The following TMEM232 variants were observed in gnomAD, a reference collection of about 807,000 sequenced individuals.
TMEM232 encodes the protein transmembrane protein 232.
TMEM232 carries 80 observed loss-of-function variants against 78.8 expected under a neutral mutation model. The observed-to-expected ratio is 1.01, with a 90% CI of 0.85 to 1.22. The LOEUF (loss-of-function observed/expected upper bound fraction) is 1.22, where lower values mean the gene tolerates loss of function less well. Ranked by LOEUF, TMEM232 falls within the 50% of genes most tolerant of loss-of-function variation. The pLI, the probability that TMEM232 is intolerant of heterozygous loss-of-function variation, is 0.00. For synonymous variants in TMEM232, 297 were observed against 254.3 expected (o/e 1.17, Z -1.60); for missense variants, 881 against 742.2 (o/e 1.19, Z -2.17).
chr5:110,606,979 T>C (rs1302217500), intron 8 of TMEM232, among the ~76,000 whole-genome samples: 1 of 151,880 alleles, frequency 6.6e-6, no homozygotes, highest in Non-Finnish European at 1.5e-5. Context: ...CATAGCTGTT[T>C]ATTGCCTTGA....
At chr5:110,476,798 T>C (rs570290722) in intron 12 of TMEM232, among the ~76,000 whole-genome samples, 1 of 152,182 alleles carries the variant, frequency 6.6e-6, no homozygotes, top group South Asian at 2.1e-4. Context: ...ATGTGTGTGC[T>C]TGATTTGCAT....
At chr5:110,485,841 G>GA (rs1472213775) in intron 12 of TMEM232, among the ~76,000 whole-genome samples, 2 of 152,148 alleles carry the variant, frequency 1.3e-5, no homozygotes, top group Non-Finnish European at 2.9e-5. Flanking sequence ...CCAGTGGTGA[G>GA]ATTGTTGGAT....
intron 12 of TMEM232, among the ~76,000 whole-genome samples, chr5:110,493,497 CAA>C (rs1452953814): frequency 1.1e-4 from 16 of 151,596 alleles, no homozygotes; most frequent in African/African-American, 3.9e-4. Flanking sequence ...ACAAATGGGA[CAA>C]AGCAGAGAGC....
intron 1 of TMEM232, among the ~76,000 whole-genome samples, chr5:110,695,646 A>C (rs1300859672): frequency 6.6e-6 from 1 of 152,224 alleles, no homozygotes; most frequent in Non-Finnish European, 1.5e-5. Flanking sequence ...CAGAAATACA[A>C]ACTACCATCA....
At chr5:110,708,345 G>A (rs111463654) in intron 1 of TMEM232, among the ~76,000 whole-genome samples, 17 of 152,268 alleles carry the variant, frequency 1.1e-4, no homozygotes, top group African/African-American at 4.1e-4. Context: ...ATGCTAAAGG[G>A]ACTTCTTCAC....
chr5:110,393,706 T>C (rs1755284014), intron 3 of TMEM232, among the ~76,000 whole-genome samples: 2 of 152,074 alleles, frequency 1.3e-5, no homozygotes, highest in South Asian at 4.1e-4. Context: ...ACTGTAATCC[T>C]AGCATTTTGA....
rs533162924 is a variant in TMEM232 at position 110,655,619 on chromosome 5, C to T, written c.125+11609G>A. Among the ~76,000 whole-genome samples, 25 of 148,542 alleles carry T rather than the reference C, an allele frequency of 1.7e-4. 1 individual carries two copies. The South Asian group carries it at 3.8e-3, about 22-fold the overall frequency. On this transcript the variant is annotated intron_variant, in intron 2 of 13. Transcript: ENST00000455884. Reference sequence around the variant, plus strand: ...GACACATGCACACGTATGTTTATTGCGGCACTATTCACAATAGCAAAGACT... The same window carrying T: ...GACACATGCACACGTATGTTTATTGTGGCACTATTCACAATAGCAAAGACT...
At chr5:110,649,501 TAGC>T (rs1291452037) in intron 2 of TMEM232, among the ~76,000 whole-genome samples, 1 of 152,138 alleles carries the variant, frequency 6.6e-6, no homozygotes, top group Admixed American at 6.6e-5. Flanking sequence ...CTTTTAATTA[TAGC>T]AGATTAAAAA....
intron 5 of TMEM232, among the ~76,000 whole-genome samples, chr5:110,637,157 T>C (rs2149998703): frequency 6.6e-6 from 1 of 150,690 alleles, no homozygotes; most frequent in African/African-American, 2.4e-5. Context: ...ATTGTTTTCA[T>C]TATAAATATA....
intron 1 of TMEM232, among the ~76,000 whole-genome samples, chr5:110,691,143 A>AG (rs1287431914): frequency 4.8e-4 from 15 of 31,200 alleles, no homozygotes; most frequent in Admixed American, 2.3e-3. Context: ...TTAAAGTATA[A>AG]GGAAAAAAAA....
chr5:110,588,564 T>C (rs563372632), intron 10 of TMEM232, among the ~76,000 whole-genome samples: 123 of 152,204 alleles, frequency 8.1e-4, no homozygotes, highest in Non-Finnish European at 1.9e-4. Flanking sequence ...GGGAAACCAA[T>C]GCAATTATCT....
intron 11 of TMEM232, among the ~76,000 whole-genome samples, chr5:110,532,027 A>G (rs943746116): frequency 6.6e-6 from 1 of 152,252 alleles, no homozygotes; most frequent in East Asian, 1.9e-4. Context: ...AACCCCAGCC[A>G]TATCTCCAGC....
chr5:110,597,952 G>A (rs1780386365), intron 10 of TMEM232, among the ~76,000 whole-genome samples: 1 of 152,096 alleles, frequency 6.6e-6, no homozygotes, highest in African/African-American at 2.4e-5. Context: ...CATAGGCATG[G>A]GCAAGGACTT....
chr5:110,424,017 G>A (rs1455392280), intron 13 of TMEM232, among the ~76,000 whole-genome samples: 1 of 152,056 alleles, frequency 6.6e-6, no homozygotes, highest in Non-Finnish European at 1.5e-5. Flanking sequence ...TCATTTCAAG[G>A]TATCAGTCAG....
At chr5:110,421,258 T>C (rs1016908462) in intron 13 of TMEM232, among the ~76,000 whole-genome samples, 4 of 152,022 alleles carry the variant, frequency 2.6e-5, no homozygotes, top group African/African-American at 9.6e-5. Flanking sequence ...GAATTTATCT[T>C]AATTGGCCAT....
chr5:110,593,868 C>A (rs139788903), intron 10 of TMEM232, among the ~76,000 whole-genome samples: 2 of 152,112 alleles, frequency 1.3e-5, no homozygotes, highest in East Asian at 3.9e-4. Context: ...GTATTCAATA[C>A]CTCATTTACC....
chr5:110,521,493 C>T (rs558924346), intron 12 of TMEM232, among the ~76,000 whole-genome samples: 8 of 152,078 alleles, frequency 5.3e-5, no homozygotes, highest in Non-Finnish European at 1.0e-4. Flanking sequence ...TTTTGTCACC[C>T]GGAGTTTTGG....
chr5:110,692,318 G>A lies in TMEM232; in HGVS notation c.-12-24954C>T, dbSNP rs565468778. On this transcript the variant is annotated intron_variant, in intron 1 of 13. Coordinates refer to ENST00000455884, the MANE Select transcript of TMEM232 (RefSeq NM_001039763.4). Reference sequence around the variant, plus strand: ...TAACTTAAAATTTCTTTAAGGTGAGGGTGGAGCCAAGATGGCCGAATAGCA... The same window carrying A: ...TAACTTAAAATTTCTTTAAGGTGAGAGTGGAGCCAAGATGGCCGAATAGCA... 5.9e-4 allele frequency among the ~76,000 whole-genome samples: 90 copies of A among 152,312 alleles called. 1 individual carries two copies. The South Asian group carries it at 0.018, about 30-fold the overall frequency.
chr5:110,500,900 A>C (rs777543538), intron 12 of TMEM232, among the ~76,000 whole-genome samples: 13 of 152,180 alleles, frequency 8.5e-5, no homozygotes, highest in Non-Finnish European at 1.9e-4. Context: ...TTTCATCTAG[A>C]TATATAAATA....
Sources: gnomAD v4.1 joint callset for allele counts (sites outside exome capture counted in the v4.1 genomes callset) on GRCh38, gnomAD v4.1.1 for gene constraint, MANE v1.5 for transcripts, NCBI Gene and HGNC (gene_info 2026-07-23, HGNC 2026-07-21) for gene names.